The following DMXL2 variants were observed in gnomAD, a reference collection of about 807,000 sequenced individuals.
DMXL2 encodes dmX-like protein 2.
DMXL2 carries 103 observed loss-of-function variants against 331.1 expected under a neutral mutation model. That is an observed-to-expected ratio of 0.31 (90% confidence interval 0.27 to 0.37). The LOEUF is 0.37. Ranked by LOEUF, DMXL2 falls within the 10% of genes least tolerant of loss-of-function variation. The pLI, the probability that DMXL2 is intolerant of heterozygous loss-of-function variation, is 1.00. For missense variants in DMXL2, 3,171 were observed against 3,642.9 expected, an observed-to-expected ratio of 0.87 and a Z score of 3.33; for synonymous variants, 1,281 against 1,252.1, an observed-to-expected ratio of 1.02 and a Z score of -0.49.
intron 1 of DMXL2, among the ~76,000 whole-genome samples, chr15:51,606,116 C>A (rs1028051523): frequency 9.8e-5 from 15 of 152,300 alleles, no homozygotes; most frequent in African/African-American, 3.6e-4. Context: ...AACTACCCAA[C>A]ACTTTAAACT....
At chr15:51,509,280 T>G (rs1022475973) in intron 15 of DMXL2, among the ~76,000 whole-genome samples, 1 of 151,374 alleles carries the variant, frequency 6.6e-6, no homozygotes, top group South Asian at 2.1e-4. Context: ...GCTGGTTTTT[T>G]GAAAAGATTA....
intron 25 of DMXL2, among the ~76,000 whole-genome samples, 178 bp from the exon 26 acceptor site, chr15:51,478,525 C>T (rs769732991): frequency 1.2e-4 from 18 of 152,142 alleles, no homozygotes; most frequent in African/African-American, 4.3e-4. Flanking sequence ...CCTTTATACA[C>T]ATGCCACAAT....
intron 15 of DMXL2, among the ~76,000 whole-genome samples, chr15:51,509,093 A>C (rs1326390310): frequency 2.0e-5 from 3 of 152,128 alleles, no homozygotes; most frequent in Non-Finnish European, 4.4e-5. Context: ...TTGAACCCAG[A>C]TCTAATCAAG....
At chr15:51,607,223 G>A (rs985244438) in intron 1 of DMXL2, among the ~76,000 whole-genome samples, 6 of 151,908 alleles carry the variant, frequency 3.9e-5, no homozygotes, top group Admixed American at 6.6e-5. Flanking sequence ...TTGGGAGGCC[G>A]AGGCAGGCGG....
At position 51,455,409 on chromosome 15, in the gene DMXL2, T is replaced by G. The variant is rs76919677; in HGVS notation, c.8527-181A>C. Among the ~76,000 whole-genome samples the G allele has an allele frequency of 0.016, 2,490 of 152,236 alleles. 46 individuals are homozygous for G. The highest frequency in any genetic ancestry group is 0.023 in the Non-Finnish European group (1,588 of 68,018). ...AATTCCCTGTCACTTTTTTTTTAAA[T>G]TTTTTTAGAGACAGGGTCTCATTCT... On this transcript the variant is annotated intron_variant, in intron 39 of 43. Coordinates refer to ENST00000560891, the MANE Select transcript of DMXL2 (RefSeq NM_001378457.1).
At chr15:51,530,584 T>C (rs529476187) in intron 13 of DMXL2, among the ~76,000 whole-genome samples, 14 of 141,332 alleles carry the variant, frequency 9.9e-5, no homozygotes, top group Non-Finnish European at 1.9e-4. Flanking sequence ...ACCCCATCTC[T>C]ACTAAAAAAA....
chr15:51,506,058 A>C (rs946473173), intron 16 of DMXL2, among the ~76,000 whole-genome samples: 1 of 152,210 alleles, frequency 6.6e-6, no homozygotes, highest in African/African-American at 2.4e-5. Flanking sequence ...TTTTTTAATC[A>C]TAATTGCATT....
intron 34 of DMXL2, chr15:51,459,095 T>A (rs1162543005): frequency 1.8e-5 from 5 of 285,250 alleles, no homozygotes; most frequent in Non-Finnish European, 2.7e-5. Flanking sequence ...ATGTCTCTCT[T>A]AGCTCTTCCA....
chr15:51,554,100 G>T (rs370130889), intron 6 of DMXL2, among the ~76,000 whole-genome samples: 1 of 152,210 alleles, frequency 6.6e-6, no homozygotes, highest in African/African-American at 2.4e-5. Context: ...GATGCACAGT[G>T]TGTACAATAT....
At chr15:51,533,725 T>C (rs777267978) in intron 13 of DMXL2, among the ~76,000 whole-genome samples, 6 of 152,156 alleles carry the variant, frequency 3.9e-5, no homozygotes, top group Non-Finnish European at 7.4e-5. Flanking sequence ...CAGCAAAGTA[T>C]ATGGCAAGCT....
At position 51,480,781 on chromosome 15, in the gene DMXL2, G is replaced by T. The variant is rs1250446437; in HGVS notation, c.6325C>A (p.Leu2109Met). The T allele has an allele frequency of 6.2e-7, 1 of 1,602,776 alleles. No individual in the cohort carries two copies. Among genetic ancestry groups the T allele is most frequent in the Non-Finnish European group, 8.5e-7 (1 of 1,172,696 alleles). ...TCTACCATTTCTTCCTGATCCAGCA[G>T]ATCACTCTCTACTTTGGAATATGTC... Reference protein sequence around the residue: ...SKTYSKVESDLLDQEEMVDKP... With the variant: ...SKTYSKVESDMLDQEEMVDKP... The change falls in exon 24 of 44, where the codon CTG becomes ATG. Residue 2109 changes from leucine (L) to methionine (M), a missense_variant. By Grantham distance (15) the Leu-to-Met change is conservative (BLOSUM62 2). Transcript: ENST00000560891.
chr15:51,589,405 T>C (rs985253823), intron 1 of DMXL2, among the ~76,000 whole-genome samples: 3 of 152,250 alleles, frequency 2.0e-5, no homozygotes, highest in African/African-American at 7.2e-5. Flanking sequence ...TCTTCCTTGA[T>C]GGTTTATTGT....
rs769136517 is a variant in DMXL2 at position 51,450,134 on chromosome 15, T to C, written c.8962A>G (p.Ile2988Val). Residue 2988 changes from isoleucine to valine, a missense_variant, in exon 43 of 44, where the codon ATA (isoleucine) becomes GTA (valine). This residue lies in a region of DMXL2 where 766 missense variants were observed against 940.5 expected (regional missense o/e 0.81). Coordinates refer to ENST00000560891, the MANE Select transcript of DMXL2 (RefSeq NM_001378457.1). ...AACCTCTTGTACTGACTCACCTTTA[T>C]GTTACCTTCTGCTGAACCTGTGGTA... The part of the protein sequence containing the change: ...YFTTGSAEGN[I>V]KVWRLTGHGL... The C allele has an allele frequency of 6.2e-7, 1 of 1,613,926 alleles. No individual in the cohort carries two copies. The highest frequency in any genetic ancestry group is 8.5e-7 in the Non-Finnish European group (1 of 1,179,942).
intron 28 of DMXL2, among the ~76,000 whole-genome samples, chr15:51,472,203 C>A (rs2041179517): frequency 6.6e-6 from 1 of 152,064 alleles, no homozygotes; most frequent in Non-Finnish European, 1.5e-5. Context: ...ACCTCCCCAT[C>A]ACAGAAAATA....
In DMXL2 at chr15:51,564,200, A is replaced by G. The variant is rs747300679; in HGVS notation, c.425T>C (p.Ile142Thr). 3 of 1,609,340 alleles carry G rather than the reference A, an allele frequency of 1.9e-6. No homozygotes were observed. Among genetic ancestry groups the G allele is most frequent in the Admixed American group, 3.4e-5 (2 of 59,032 alleles). ...ATCAATTTCTTCCTCCTCTTCCAGA[A>G]TATCATCTCCTGGAGGAGCCCACAA... ...IQLWAPPGDD[I>T]LEEEEEIDNT... is the part of the protein sequence containing the mutation. The change falls in exon 5 of 44, where the codon ATT (isoleucine) becomes ACT (threonine). Residue 142 changes from isoleucine (I) to threonine (T), a missense_variant. By Grantham distance (89) the Ile-to-Thr change is moderately conservative. Around this residue, in one of 7 missense-constraint regions of DMXL2, gnomAD observed 1,674 missense variants for 1,780.2 expected, o/e 0.94. Coordinates refer to ENST00000560891, the MANE Select transcript of DMXL2 (RefSeq NM_001378457.1).
chr15:51,529,927 A>G (rs2047904780), intron 13 of DMXL2, among the ~76,000 whole-genome samples: 2 of 152,320 alleles, frequency 1.3e-5, no homozygotes, highest in South Asian at 4.1e-4. Flanking sequence ...TAACAGGGAC[A>G]CAAGGATGGT....
chr15:51,538,229 A>T lies in DMXL2; in HGVS notation c.1329T>A (p.His443Gln), dbSNP rs747319991. The change falls in exon 10 of 44, where the codon CAT becomes CAA. Residue 443 changes from histidine (H) to glutamine (Q), a missense_variant. His to Gln is a conservative substitution (Grantham distance 24). Transcript: ENST00000560891. The stretch of plus-strand genomic sequence containing the variant: ...GATACTAACCATGGTCTAATTTCAT[A>T]TGTAAACCCCGTTCTCTATCCTCCT... ...HSQEDRERGL[H>Q]MKLDHDLSLD... The T allele has an allele frequency of 6.2e-7, 1 of 1,613,104 alleles. No homozygotes were observed. The highest frequency in any genetic ancestry group is 8.5e-7 in the Non-Finnish European group (1 of 1,179,418).
In DMXL2 at chr15:51,590,859, GGA is replaced by G. The variant is rs139652496; in HGVS notation, c.88-14680_88-14679del. Among the ~76,000 whole-genome samples the G allele has an allele frequency of 9.5e-3, 1,446 of 152,200 alleles. 17 individuals carry two copies. The highest frequency in any genetic ancestry group is 0.033 in the African/African-American group (1,376 of 41,536). On this transcript the variant is annotated intron_variant, in intron 1 of 43. Transcript: ENST00000560891. ...GTGCTTATATTTTGCTAGGACAGGA[GGA>G]GAGAGAGAGAAGTGGACAGTAAGTT...
intron 5 of DMXL2, 29 bp downstream of exon 5, chr15:51,564,096 T>C: frequency 6.4e-7 from 1 of 1,558,698 alleles, no homozygotes; most frequent in Non-Finnish European, 8.6e-7. Context: ...TTTTAATTAA[T>C]GAATATAACA....
Sources: allele counts gnomAD v4.1 joint callset (sites outside exome capture counted in the v4.1 genomes callset), GRCh38; gene constraint gnomAD v4.1.1; regional missense constraint gnomAD v4.1.1; transcripts MANE v1.5; gene names NCBI Gene and HGNC (gene_info 2026-07-23, HGNC 2026-07-21).